TENM1: variants seen among roughly 807,000 people sequenced by gnomAD.
TENM1 encodes teneurin transmembrane protein 1, also known as teneurin-1.
A neutral mutation model predicts 174.8 loss-of-function variants in TENM1; 35 were observed. That is an observed-to-expected ratio of 0.20 (90% CI 0.15 to 0.27). The LOEUF is 0.27. Among genes scored for constraint, TENM1 ranks in the 10% least tolerant of loss-of-function variants. The pLI, the probability that TENM1 is intolerant of heterozygous loss-of-function variation, is 1.00. For missense variants in TENM1, 1,633 were observed against 2,130.1 expected, an observed-to-expected ratio of 0.77 and a Z score of 4.59; for synonymous variants, 781 against 798.7, an observed-to-expected ratio of 0.98 and a Z score of 0.37.
chrX:124,763,969 A>T (rs919125820), intron 3 of TENM1, among the ~76,000 whole-genome samples: 2 of 112,165 alleles, frequency 1.8e-5, no homozygotes, highest in African/African-American at 3.2e-5. Context: ...ATTATTTAAC[A>T]TATAATGGTT....
At chrX:124,612,427 A>G (rs1210559116) in intron 11 of TENM1, among the ~76,000 whole-genome samples, 1 of 111,437 alleles carries the variant, frequency 9.0e-6, no homozygotes, top group Non-Finnish European at 1.9e-5. Flanking sequence ...TAGAATAAAA[A>G]TGTTGAAATC....
intron 18 of TENM1, among the ~76,000 whole-genome samples, chrX:124,506,139 TG>T (rs1270326796): frequency 1.8e-5 from 2 of 112,034 alleles, no homozygotes; most frequent in Non-Finnish European, 3.8e-5. Flanking sequence ...TGGCAATTAC[TG>T]GATTTGCCTT....
chrX:124,903,833 G>T (rs2057702433), intron 1 of TENM1, among the ~76,000 whole-genome samples: 1 of 111,797 alleles, frequency 8.9e-6, no homozygotes, highest in Non-Finnish European at 1.9e-5. Context: ...ATGAGACAGA[G>T]ACTTCCTGGC....
intron 5 of TENM1, among the ~76,000 whole-genome samples, chrX:124,677,396 G>A (rs1397157568): frequency 3.6e-5 from 4 of 111,453 alleles, no homozygotes; most frequent in Admixed American, 9.6e-5. Context: ...ACCTAACTCT[G>A]TGATTGGTAG....
rs181398409 is a variant in TENM1 at position 124,653,332 on chromosome X, G to C, written c.1368+252C>G. 6.3e-5 allele frequency among the ~76,000 whole-genome samples: 7 copies of C among 111,577 alleles called. No individual in the cohort carries two copies. In the Admixed American group the frequency reaches 6.7e-4, roughly 11 times the overall value. On this transcript the variant is annotated intron_variant, in intron 7 of 31. Transcript: ENST00000422452. Reference sequence around the variant, plus strand: ...GAAGCTCATGAACAGCCGGTTCCAGGAAGCAGAAGTCAAATTTAAAGGGTG... The same window carrying C: ...GAAGCTCATGAACAGCCGGTTCCAGCAAGCAGAAGTCAAATTTAAAGGGTG...
At chrX:125,130,657 A>C in the TENM1 span, among the ~76,000 whole-genome samples, 26 of 105,505 alleles carry the variant, frequency 2.5e-4, no homozygotes, top group Non-Finnish European at 3.9e-4. Context: ...AGTCAGCTTG[A>C]CTTTATATAC....
At chrX:124,520,917 G>C (rs1310156766) in intron 17 of TENM1, 133 bp from the exon 21 acceptor site, 1 of 584,918 alleles carries the variant, frequency 1.7e-6, no homozygotes, top group South Asian at 4.5e-5. Flanking sequence ...GGACGTCAAG[G>C]CATTTGTTCT....
At chrX:124,970,235 G>A in the TENM1 span, among the ~76,000 whole-genome samples, 1 of 111,500 alleles carries the variant, frequency 9.0e-6, no homozygotes, top group Admixed American at 9.6e-5. Flanking sequence ...AGAAAATACA[G>A]TCTGGTCCTA....
chrX:124,826,663 A>G (rs2056168467), intron 3 of TENM1, among the ~76,000 whole-genome samples: 2 of 111,842 alleles, frequency 1.8e-5, no homozygotes, highest in South Asian at 7.4e-4. Flanking sequence ...AAATGTTAGC[A>G]GTTGTTCTTT....
the TENM1 span, among the ~76,000 whole-genome samples, chrX:125,076,164 C>G: frequency 6.1e-4 from 68 of 111,548 alleles, no homozygotes; most frequent in Non-Finnish European, 2.6e-4. Flanking sequence ...ATAGCACCAG[C>G]AGTTGAAGCT....
intron 3 of TENM1, among the ~76,000 whole-genome samples, chrX:124,854,312 G>A (rs185265121): frequency 1.2e-4 from 13 of 111,187 alleles, no homozygotes; most frequent in Non-Finnish European, 1.9e-4. Context: ...TATGAGGATT[G>A]AAAGGCATAA....
rs1258912653 is a variant in TENM1, at chrX:124,586,751, C to T, written c.2078-21191G>A. Among the ~76,000 whole-genome samples the T allele has an allele frequency of 2.8e-5, 3 of 105,543 alleles. No homozygotes were observed. In the East Asian group the frequency reaches 9.0e-4, roughly 32 times the overall value. The allele number at this position is 105,543 out of a possible 115,157, so 91.7% of individuals were successfully genotyped here. A position where few individuals can be genotyped will look rare whatever the true frequency, so the allele number is the denominator to read the frequency against. ...TAGGAAAAGAGGAAGTCAAATTGTCCCTGTTTGCAGATGACATGATTGTAT... is the reference window on the plus strand; with the variant it reads ...TAGGAAAAGAGGAAGTCAAATTGTCTCTGTTTGCAGATGACATGATTGTAT... On this transcript the variant is annotated intron_variant, in intron 11 of 31. Coordinates refer to ENST00000422452, the Ensembl canonical transcript of TENM1.
At chrX:124,381,878 A>AT (rs1276976794) in intron 31 of TENM1, among the ~76,000 whole-genome samples, 2 of 111,717 alleles carry the variant, frequency 1.8e-5, no homozygotes, top group Non-Finnish European at 3.8e-5. Context: ...AGCTTCAGCA[A>AT]TTTTCAACAT....
chrX:124,490,192 T>C lies in TENM1; in HGVS notation c.3696-2963A>G, dbSNP rs6655722. 8.7e-3 allele frequency among the ~76,000 whole-genome samples: 970 copies of C among 111,519 alleles called. 7 individuals are homozygous for C. Among genetic ancestry groups the C allele is most frequent in the African/African-American group, 0.03 (917 of 30,688 alleles). The stretch of plus-strand genomic sequence containing the variant: ...ATTCAAAGGAACATATTTCTTAGAG[T>C]GAAAATTTTGGGCACCATGGAAGGC... On this transcript the variant is annotated intron_variant, in intron 20 of 31. Transcript: ENST00000422452.
chrX:124,776,997 A>G lies in TENM1; in HGVS notation c.536-39800T>C, dbSNP rs767422631. 1.4e-4 allele frequency among the ~76,000 whole-genome samples: 15 copies of G among 111,073 alleles called. No homozygotes were observed. In the South Asian group the frequency reaches 5.7e-3, roughly 42 times the overall value. On this transcript the variant is annotated intron_variant, in intron 3 of 31. Coordinates refer to ENST00000422452, the Ensembl canonical transcript of TENM1. Reference sequence around the variant, plus strand: ...TCTAGCTTCATCAACATCTTCATTTATTTTTGGTTTTTGTATCTTGGGTTT... The same window carrying G: ...TCTAGCTTCATCAACATCTTCATTTGTTTTTGGTTTTTGTATCTTGGGTTT...
chrX:124,514,801 A>G (rs1222173153), intron 18 of TENM1, among the ~76,000 whole-genome samples: 1 of 111,299 alleles, frequency 9.0e-6, no homozygotes, highest in Non-Finnish European at 1.9e-5. Flanking sequence ...CATTCCCACC[A>G]GAATTATTCC....
intron 6 of TENM1, among the ~76,000 whole-genome samples, chrX:124,668,767 T>G (rs1048760722): frequency 9.0e-6 from 1 of 111,076 alleles, no homozygotes; most frequent in African/African-American, 3.3e-5. Context: ...AGTTAATGGG[T>G]GCAGCACAAC....
chrX:124,893,832 G>A (rs779559397), intron 3 of TENM1, among the ~76,000 whole-genome samples: 2 of 111,352 alleles, frequency 1.8e-5, no homozygotes, highest in Admixed American at 1.9e-4. Flanking sequence ...TGATGACATG[G>A]ATAAAGTGTG....
At chrX:124,932,844 A>G (rs2058191697) in intron 1 of TENM1, among the ~76,000 whole-genome samples, 1 of 111,779 alleles carries the variant, frequency 8.9e-6, no homozygotes, top group African/African-American at 3.3e-5. Context: ...ACCAATTTAC[A>G]TGGGGTTTTT....
Sources: allele counts gnomAD v4.1 joint callset (sites outside exome capture counted in the v4.1 genomes callset), GRCh38; gene constraint gnomAD v4.1.1; transcripts MANE v1.5; gene names NCBI Gene and HGNC (gene_info 2026-07-23, HGNC 2026-07-21).